Variants in CYP4F2 observed in about 807,000 individuals in gnomAD.
CYP4F2 encodes cytochrome P450 family 4 subfamily F member 2.
Under a neutral mutation model 58.9 loss-of-function variants are expected in CYP4F2, and 58 were observed. That is an observed-to-expected ratio of 0.98 (90% CI 0.80 to 1.23). The LOEUF (loss-of-function observed/expected upper bound fraction) is 1.23, where lower values mean the gene tolerates loss of function less well. Ranked by LOEUF, CYP4F2 falls within the 50% of genes most tolerant of loss-of-function variation. The pLI, the probability that CYP4F2 is intolerant of heterozygous loss-of-function variation, is 0.00. For synonymous variants in CYP4F2, 287 were observed against 261.1 expected (o/e 1.10, Z -0.95); for missense variants, 616 against 685.6 (o/e 0.90, Z 1.13).
chr19:15,891,577 C>G (rs1906762721), intron 5 of CYP4F2, among the ~76,000 whole-genome samples: 1 of 152,168 alleles, frequency 6.6e-6, no homozygotes, highest in South Asian at 2.1e-4. Flanking sequence ...TAGACAGAGC[C>G]TATTTTATCC....
intron 9 of CYP4F2, among the ~76,000 whole-genome samples, 166 bp from the exon 10 acceptor site, chr19:15,880,063 A>G (rs1371238398): frequency 6.6e-6 from 1 of 152,252 alleles, no homozygotes; most frequent in Non-Finnish European, 1.5e-5. Flanking sequence ...TGTGGCAAAA[A>G]TGAGAAAACA....
Position 15,897,577 on chromosome 19 carries a change from C to T in CYP4F2, c.35G>A (p.Trp12Ter). ...SQLSLSWLGL[W>*]PVAASPWLLL... The stretch of plus-strand genomic sequence containing the variant: ...CAGCCAAGGGGATGCTGCCACTGGC[C>T]AGAGGCCCAGCCAGGACAGGCTCAG... The change falls in exon 2 of 13, where the codon TGG (tryptophan) becomes TAG (stop). Residue 12 changes from tryptophan to a stop codon, truncating the protein, a stop_gained. Transcript: ENST00000221700. LOFTEE classifies it high-confidence loss of function. 1 of 1,613,880 alleles carries T rather than the reference C, an allele frequency of 6.2e-7. No homozygotes were observed.
intron 3 of CYP4F2, among the ~76,000 whole-genome samples, chr19:15,895,062 T>C (rs988110166): frequency 6.6e-6 from 1 of 152,114 alleles, no homozygotes; most frequent in Non-Finnish European, 1.5e-5. Context: ...CACCCTGCAC[T>C]CTCCTTTCAA....
At chr19:15,889,139 C>T (rs1462407137) in intron 7 of CYP4F2, among the ~76,000 whole-genome samples, 2 of 152,122 alleles carry the variant, frequency 1.3e-5, no homozygotes, top group Admixed American at 6.5e-5. Context: ...TAAACATAGA[C>T]CAGACATAGA....
At chr19:15,897,346 C>T (rs1182563468) in intron 2 of CYP4F2, 68 bp downstream of exon 2, 1 of 1,500,726 alleles carries the variant, frequency 6.7e-7, no homozygotes, top group Non-Finnish European at 9.1e-7. Context: ...CCCCCACTCC[C>T]TAAGCCTCGT....
intron 7 of CYP4F2, among the ~76,000 whole-genome samples, chr19:15,887,677 T>C (rs1440784947): frequency 7.1e-6 from 1 of 141,742 alleles, no homozygotes; most frequent in Non-Finnish European, 1.5e-5. Flanking sequence ...AACATAGACA[T>C]AGACACAGAT....
intron 3 of CYP4F2, chr19:15,893,813 G>A: frequency 4.0e-6 from 1 of 248,736 alleles, no homozygotes; most frequent in Non-Finnish European, 8.8e-6. Context: ...CCACCCACCA[G>A]CAGCCCATAT....
chr19:15,895,667 G>C lies in CYP4F2; in HGVS notation c.199-17C>G. The C allele has an allele frequency of 6.3e-7, 1 of 1,585,936 alleles. No individual in the cohort carries two copies. The highest frequency in any genetic ancestry group is 8.6e-7 in the Non-Finnish European group (1 of 1,169,100). On this transcript the variant is annotated splice_polypyrimidine_tract_variant and intron_variant, in intron 2 of 12. Coordinates refer to ENST00000221700, the MANE Select transcript of CYP4F2 (RefSeq NM_001082.5). Reference sequence around the variant, plus strand: ...GGGGTTGACCTGCAAGCAAGGCAGGGGTCATTACCTTCTGTGATAGTTAAT... The same window carrying C: ...GGGGTTGACCTGCAAGCAAGGCAGGCGTCATTACCTTCTGTGATAGTTAAT...
Position 15,890,328 on chromosome 19 carries a change from C to G in CYP4F2, c.631G>C (p.Asp211His). 1 of 1,614,108 alleles carries G rather than the reference C, an allele frequency of 6.2e-7. No individual in the cohort carries two copies. Among genetic ancestry groups the G allele is most frequent in the Non-Finnish European group, 8.5e-7 (1 of 1,179,990 alleles). The change falls in exon 6 of 13, where the codon GAC becomes CAC. Residue 211 changes from aspartate (D) to histidine (H), a missense_variant. Asp to His is a moderately conservative substitution (Grantham distance 81). Coordinates refer to ENST00000221700, the MANE Select transcript of CYP4F2 (RefSeq NM_001082.5). Reference protein sequence around the residue: ...DSLQKCVFSFDSHCQEKPSEY... With the variant: ...DSLQKCVFSFHSHCQEKPSEY... ...AGAACTTACTCCTGACAATGGCTGT[C>G]AAAGCTGAAGACACATTTCTGTAGA...
intron 3 of CYP4F2, among the ~76,000 whole-genome samples, chr19:15,894,190 C>T (rs930744364): frequency 6.6e-6 from 1 of 152,218 alleles, no homozygotes; most frequent in African/African-American, 2.4e-5. Flanking sequence ...CAGTCCCAGA[C>T]CACGGCAAGC....
At chr19:15,891,757 C>T (rs942827037) in intron 5 of CYP4F2, among the ~76,000 whole-genome samples, 15 of 152,150 alleles carry the variant, frequency 9.9e-5, no homozygotes, top group African/African-American at 3.1e-4. Flanking sequence ...TAGGGAGGAA[C>T]ATCCAGGGGT....
intron 2 of CYP4F2, among the ~76,000 whole-genome samples, chr19:15,896,502 C>G (rs984014365): frequency 6.6e-6 from 1 of 152,170 alleles, no homozygotes; most frequent in Admixed American, 6.5e-5. Flanking sequence ...TTGTGGGGAG[C>G]AGTATCGCCT....
intron 7 of CYP4F2, among the ~76,000 whole-genome samples, chr19:15,887,737 GAC>G (rs1356934486): frequency 9.9e-5 from 15 of 150,928 alleles, no homozygotes; most frequent in African/African-American, 3.4e-4. Context: ...TAGAAACACA[GAC>G]ACACAAATAC....
chr19:15,896,974 A>G (rs3093110), intron 2 of CYP4F2, among the ~76,000 whole-genome samples: 27,615 of 152,172 alleles, frequency 0.18, 2,724 homozygotes, highest in African/African-American at 0.24. Flanking sequence ...CTTCGGGTGT[A>G]GTGGAAGTGG....
Position 15,897,416 on chromosome 19 carries a change from T to C in CYP4F2, c.196A>G (p.Met66Val), listed in dbSNP as rs760529834. ...ACCCATCCTGCTGCCACACTCACCATGCCCTGGTGTCCCCAAAACCAGTTC... is the reference window on the plus strand; with the variant it reads ...ACCCATCCTGCTGCCACACTCACCACGCCCTGGTGTCCCCAAAACCAGTTC... ...RRNWFWGHQG[M>V]VNPTEEGMRV... Residue 66 changes from methionine (M) to valine (V), a missense_variant and splice_region_variant, in exon 2 of 13, where the codon ATG (methionine) becomes GTG (valine). Coordinates refer to ENST00000221700, the MANE Select transcript of CYP4F2 (RefSeq NM_001082.5). The C allele has an allele frequency of 1.4e-6, 2 of 1,434,544 alleles. No homozygotes were observed. Among genetic ancestry groups the C allele is most frequent in the South Asian group, 2.2e-5 (2 of 89,010 alleles). 88.9% of individuals were successfully genotyped at this position (1,434,544 alleles called of 1,614,324 possible).
At chr19:15,880,029 G>A (rs933050756) in intron 9 of CYP4F2, 132 bp from the exon 10 acceptor site, 53 of 1,555,474 alleles carry the variant, frequency 3.4e-5, no homozygotes, top group African/African-American at 3.2e-4. Context: ...TTACAAAGTC[G>A]CAAGAATAAA....
At chr19:15,886,737 T>C (rs2089382598) in intron 7 of CYP4F2, among the ~76,000 whole-genome samples, 1 of 152,194 alleles carries the variant, frequency 6.6e-6, no homozygotes, top group Non-Finnish European at 1.5e-5. Context: ...CTAAGGACTA[T>C]GGCATCTCAC....
chr19:15,887,417 AACATAG>A (rs1485202140), intron 7 of CYP4F2, among the ~76,000 whole-genome samples: 1 of 150,822 alleles, frequency 6.6e-6, no homozygotes. Flanking sequence ...GACACACATA[AACATAG>A]ACATAGACAC....
Position 15,897,502 on chromosome 19 carries a change from C to T in CYP4F2, c.110G>A (p.Trp37Ter), listed in dbSNP as rs146861328. 22 of 1,613,950 alleles carry T rather than the reference C, an allele frequency of 1.4e-5. No homozygotes were observed. The highest frequency in any genetic ancestry group is 1.8e-5 in the Non-Finnish European group (21 of 1,180,008). Reference protein sequence around the residue: ...ASWLLAHVLAWTYAFYDNCRR... With the variant: ...ASWLLAHVLA ...GCAGTTGTCATAGAAGGCGTAGGTC[C>T]AGGCCAGGACATGGGCCAGGAGCCA... The change falls in exon 2 of 13, where the codon TGG (tryptophan) becomes TAG (stop). Residue 37 changes from tryptophan (W) to a stop codon, truncating the protein, a stop_gained. Transcript: ENST00000221700. LOFTEE classifies it high-confidence loss of function.
Sources: gnomAD v4.1 joint callset for allele counts (sites outside exome capture counted in the v4.1 genomes callset) on GRCh38, gnomAD v4.1.1 for gene constraint, MANE v1.5 for transcripts, NCBI Gene and HGNC (gene_info 2026-07-23, HGNC 2026-07-21) for gene names.